ZNF76: variants seen among roughly 807,000 people sequenced by gnomAD.
ZNF76 encodes zinc finger protein 76, also known as zinc finger protein 523.
ZNF76 carries 66 observed loss-of-function variants against 66.9 expected under a neutral mutation model. The ratio of observed to expected loss-of-function variants is 0.99; its 90% confidence interval spans 0.81 to 1.21. The LOEUF (loss-of-function observed/expected upper bound fraction) is 1.21. Among genes scored for constraint, ZNF76 ranks in the 50% most tolerant of loss-of-function variants. The probability of loss-of-function intolerance (pLI) is 0.00; values close to 1 mark genes in which losing one functional copy is unlikely to be tolerated. For synonymous variants in ZNF76, 275 were observed against 296.1 expected, an observed-to-expected ratio of 0.93 and a Z score of 0.73; for missense variants, 729 against 760.3, an observed-to-expected ratio of 0.96 and a Z score of 0.48.
rs140739094 is a variant in ZNF76, at chr6:35,262,897, C to T, written c.-97+3056C>T. On this transcript the variant is annotated intron_variant, in intron 1 of 13. Transcript: ENST00000373953. ...AGATTCCTCCCTCACCTTTTCAAAC[C>T]CGGATTGTCTTTCACCCTTCCACAG... is the stretch of plus-strand genomic sequence containing the variant. 2.2e-4 allele frequency among the ~76,000 whole-genome samples: 34 copies of T among 152,240 alleles called. No homozygotes were observed. In the East Asian group the frequency reaches 6.4e-3, roughly 29 times the overall value.
intron 2 of ZNF76, among the ~76,000 whole-genome samples, chr6:35,284,077 C>CT (rs563490277): frequency 2.4e-4 from 36 of 151,664 alleles, no homozygotes; most frequent in African/African-American, 8.2e-4. Context: ...TTGTCATTAA[C>CT]TTTTTTTTTA....
chr6:35,283,517 G>A (rs1281688046), intron 2 of ZNF76, among the ~76,000 whole-genome samples: 2 of 152,194 alleles, frequency 1.3e-5, no homozygotes, highest in Non-Finnish European at 1.5e-5. Context: ...AATGCACTAG[G>A]ACTGTTCCAG....
intron 1 of ZNF76, among the ~76,000 whole-genome samples, chr6:35,267,095 G>A (rs925757921): frequency 2.5e-4 from 38 of 149,160 alleles, no homozygotes; most frequent in African/African-American, 7.7e-4. Context: ...CACTGCATCC[G>A]GCCCCTTATC....
At chr6:35,279,771 G>C (rs539131647) in intron 1 of ZNF76, 1 of 153,502 alleles carries the variant, frequency 6.5e-6, no homozygotes, top group African/African-American at 2.4e-5. Flanking sequence ...TTTGGTTCTG[G>C]AGGCCCCACT....
In ZNF76 at chr6:35,272,469, C is replaced by CTGTGTGTGTGTG. The variant is rs58456911; in HGVS notation, c.-96-8555_-96-8544dup. ...TGGGTGACAGAGCAAGACCCTGTTTCTGTGTGTGTGTGTGTGTGTGTGTGT... is the reference window on the plus strand; with the variant it reads ...TGGGTGACAGAGCAAGACCCTGTTTCTGTGTGTGTGTGTGTGTGTGTGTGTGTGTGTGTGTGT... On this transcript the variant is annotated intron_variant, in intron 1 of 13. Transcript: ENST00000373953. Among the ~76,000 whole-genome samples, 17 of 149,648 alleles carry CTGTGTGTGTGTG rather than the reference C, an allele frequency of 1.1e-4. No individual in the cohort carries two copies. The East Asian group carries it at 1.8e-3, about 16-fold the overall frequency.
At chr6:35,291,871 G>T (rs1790448034) in intron 9 of ZNF76, 134 bp downstream of exon 9, 11 of 985,584 alleles carry the variant, frequency 1.1e-5, no homozygotes, top group Non-Finnish European at 1.7e-5. Flanking sequence ...TGGTCTGGGG[G>T]TAGGGTATCC....
rs754441522 is a variant in ZNF76 at position 35,293,799 on chromosome 6, A to G, written c.1378A>G (p.Met460Val). 3.1e-6 allele frequency: 5 copies of G among 1,614,004 alleles called. No individual in the cohort carries two copies. Among genetic ancestry groups the G allele is most frequent in the Admixed American group, 1.7e-5 (1 of 60,020 alleles). ...GCAGGCCCTGGGGAGTGCCATCAGTATGGTCACCCAGCACGGCAGCACCAC... is the reference window on the plus strand; with the variant it reads ...GCAGGCCCTGGGGAGTGCCATCAGTGTGGTCACCCAGCACGGCAGCACCAC... ...DLQALGSAIS[M>V]VTQHGSTTLT... The change falls in exon 12 of 14, where the codon ATG becomes GTG. Residue 460 changes from methionine (M) to valine (V), a missense_variant. By Grantham distance (21) the Met-to-Val change is conservative (BLOSUM62 1). Coordinates refer to ENST00000373953, the MANE Select transcript of ZNF76 (RefSeq NM_003427.5).
rs1190264581 is a variant in ZNF76 at position 35,287,713 on chromosome 6, C to T, written c.300C>T (p.His100=). ...ATGGCTCCACTGCCTACATTCACCA[C>T]CCTGTGGCTGTGCCATCGGAGAGCA... is the stretch of plus-strand genomic sequence containing the variant. ...LEDGSTAYIH[H]PVAVPSESTI... is the part of the protein sequence containing the mutation. Residue 100 remains histidine (H), a synonymous_variant, in exon 5 of 14, where the codon CAC becomes CAT. Coordinates refer to ENST00000373953, the MANE Select transcript of ZNF76 (RefSeq NM_003427.5). This position sits in a 1 kb window ranked among gnomAD's most constrained non-coding sequence, Gnocchi z 4.0. 3 of 1,614,244 alleles carry T rather than the reference C, an allele frequency of 1.9e-6. No individual in the cohort carries two copies. The East Asian group carries it at 6.7e-5, about 36-fold the overall frequency.
At position 35,291,286 on chromosome 6, in the gene ZNF76, C is replaced by T; in HGVS notation, c.634C>T (p.Leu212=). 1 of 1,609,726 alleles carries T rather than the reference C, an allele frequency of 6.2e-7. No individual in the cohort carries two copies. Among genetic ancestry groups the T allele is most frequent in the East Asian group, 2.2e-5 (1 of 44,630 alleles). ...CTGCCACATATGGACAGGCTATGGA[C>T]TGAAGAGCCACGTTCGTACCCACAC... ...CGKAFATGYG[L]KSHVRTHTGE... is the part of the protein sequence containing the mutation. The change falls in exon 8 of 14, where the codon CTG becomes TTG. Residue 212 remains leucine (L), a synonymous_variant. Transcript: ENST00000373953.
At chr6:35,289,648 A>G (rs1790090203) in intron 5 of ZNF76, among the ~76,000 whole-genome samples, 1 of 152,116 alleles carries the variant, frequency 6.6e-6, no homozygotes, top group East Asian at 1.9e-4. Context: ...AGGAGACAAA[A>G]GGGGAGGACT....
intron 1 of ZNF76, among the ~76,000 whole-genome samples, chr6:35,277,332 G>T (rs1044869434): frequency 5.3e-5 from 8 of 152,138 alleles, no homozygotes; most frequent in African/African-American, 1.9e-4. Context: ...TCCCCACCTT[G>T]ACCAGTGGTT....
At position 35,286,163 on chromosome 6, in the gene ZNF76, G is replaced by C. The variant is rs762342604; in HGVS notation, c.109G>C (p.Glu37Gln). 6.2e-7 allele frequency: 1 copy of C among 1,614,170 alleles called. No individual in the cohort carries two copies. Among genetic ancestry groups the C allele is most frequent in the Admixed American group, 1.7e-5 (1 of 60,026 alleles). Residue 37 changes from glutamate to glutamine, a missense_variant, in exon 3 of 14, where the codon GAG becomes CAG. By Grantham distance (29) the Glu-to-Gln change is conservative (BLOSUM62 2). Coordinates refer to ENST00000373953, the MANE Select transcript of ZNF76 (RefSeq NM_003427.5). ...KLLEGQVIQL[E>Q]DGTTAYIHQV... ...TCTTGAAGGGCAGGTGATCCAGCTC[G>C]AGGATGGGACCACCGCATACATTCA...
At chr6:35,275,321 T>C (rs1192756644) in intron 1 of ZNF76, among the ~76,000 whole-genome samples, 2 of 151,906 alleles carry the variant, frequency 1.3e-5, no homozygotes, top group Non-Finnish European at 2.9e-5. Context: ...GTAAACCTTA[T>C]ATCCTACAAG....
At chr6:35,271,680 A>AT (rs1227078198) in intron 1 of ZNF76, among the ~76,000 whole-genome samples, 4 of 151,108 alleles carry the variant, frequency 2.6e-5, no homozygotes, top group African/African-American at 9.7e-5. Context: ...AAAAAAAAAA[A>AT]AAAAGAAAAA....
At chr6:35,274,673 A>G (rs969250759) in intron 1 of ZNF76, among the ~76,000 whole-genome samples, 1 of 152,184 alleles carries the variant, frequency 6.6e-6, no homozygotes, top group Non-Finnish European at 1.5e-5. Flanking sequence ...TACAGGAGCT[A>G]TGATCACTGC....
In ZNF76 at chr6:35,292,919, C is replaced by T. The variant is rs1298681671; in HGVS notation, c.1204C>T (p.Pro402Ser). 2 of 1,614,222 alleles carry T rather than the reference C, an allele frequency of 1.2e-6. No individual in the cohort carries two copies. Among genetic ancestry groups the T allele is most frequent in the Non-Finnish European group, 8.5e-7 (1 of 1,180,036 alleles). The change falls in exon 11 of 14, where the codon CCC (proline) becomes TCC (serine). Residue 402 changes from proline (P) to serine (S), a missense_variant. By Grantham distance (74) the Pro-to-Ser change is moderately conservative. Coordinates refer to ENST00000373953, the MANE Select transcript of ZNF76 (RefSeq NM_003427.5). This position sits in a 1 kb window ranked among gnomAD's most constrained non-coding sequence, Gnocchi z 4.7. ...AAEESPPPKRPRIAYLSEVKE... is the reference protein window; with the variant it reads ...AAEESPPPKRSRIAYLSEVKE... The stretch of plus-strand genomic sequence containing the variant: ...CGAGGAGAGTCCGCCACCCAAACGA[C>T]CCCGGATAGCTTACCTTTCGGAGGT...
At chr6:35,288,247 A>C (rs1789879317) in intron 5 of ZNF76, 1 of 396,082 alleles carries the variant, frequency 2.5e-6, no homozygotes, top group Non-Finnish European at 5.0e-6. Flanking sequence ...TAGTCCACTG[A>C]GGTAATTGTA....
At chr6:35,291,838 C>G in intron 9 of ZNF76, 101 bp downstream of exon 9, 2 of 1,413,284 alleles carry the variant, frequency 1.4e-6, no homozygotes, top group South Asian at 1.2e-5. Context: ...GCCCAGAACC[C>G]TTCTGTGCCA....
chr6:35,270,578 T>G (rs574661233), intron 1 of ZNF76: 1 of 152,214 alleles, frequency 6.6e-6, no homozygotes, highest in Admixed American at 6.5e-5. Context: ...GTTTGTTTGT[T>G]TGAGATGGAG....
Sources: gnomAD v4.1 joint callset for allele counts (sites outside exome capture counted in the v4.1 genomes callset) on GRCh38, gnomAD v4.1.1 for gene constraint, Gnocchi (gnomAD v3.1) non-coding constraint, MANE v1.5 for transcripts, NCBI Gene and HGNC (gene_info 2026-07-23, HGNC 2026-07-21) for gene names.